The following PKD2L2 variants were observed in gnomAD, a reference collection of about 807,000 sequenced individuals.
PKD2L2 encodes the protein polycystin-2-like protein 2.
In PKD2L2, 67 loss-of-function variants were observed where a neutral mutation model predicts 83.9. The ratio of observed to expected loss-of-function variants is 0.80; its 90% CI spans 0.66 to 0.98. PKD2L2 has a LOEUF of 0.98. Among genes scored for constraint, PKD2L2 ranks in the 50% least tolerant of loss-of-function variants. The pLI, the probability that PKD2L2 is intolerant of heterozygous loss-of-function variation, is 0.00. For missense variants in PKD2L2, 632 were observed against 717.2 expected (o/e 0.88, Z 1.36); for synonymous variants, 223 against 237.8 (o/e 0.94, Z 0.57).
chr5:137,934,705 G>A (rs1025341655), intron 12 of PKD2L2, among the ~76,000 whole-genome samples: 8 of 152,050 alleles, frequency 5.3e-5, no homozygotes, highest in Admixed American at 1.3e-4. Flanking sequence ...CCAGCTACTC[G>A]GGAGGCTGAG....
intron 12 of PKD2L2, among the ~76,000 whole-genome samples, chr5:137,931,169 A>C (rs1759844589): frequency 6.6e-6 from 1 of 152,212 alleles, no homozygotes; most frequent in South Asian, 2.1e-4. Flanking sequence ...GAAGATAAAA[A>C]GCCTAAACAA....
intron 11 of PKD2L2, 38 bp downstream of exon 11, chr5:137,925,142 T>C: frequency 7.8e-7 from 1 of 1,279,478 alleles, no homozygotes; most frequent in Non-Finnish European, 1.1e-6. Flanking sequence ...CTTACCATTT[T>C]AAAGTTCCAC....
chr5:137,919,191 A>C lies in PKD2L2; in HGVS notation c.1329-2445A>C, dbSNP rs1423011782. On this transcript the variant is annotated intron_variant, in intron 8 of 14. Coordinates refer to ENST00000508883, the MANE Select transcript of PKD2L2 (RefSeq NM_001300921.2). ...ATTCAATAAGGGAGAACTCTATCTA[A>C]AGTTAACAGGGCCATCAAAAAGTTA... 2.6e-5 allele frequency among the ~76,000 whole-genome samples: 4 copies of C among 152,308 alleles called. No individual in the cohort carries two copies. In the East Asian group the frequency reaches 7.7e-4, roughly 29 times the overall value.
rs1761709802 is a variant in PKD2L2, at chr5:137,941,238, C to A, written c.*18-1146C>A. On this transcript the variant is annotated intron_variant, in intron 14 of 14. Coordinates refer to ENST00000508883, the MANE Select transcript of PKD2L2 (RefSeq NM_001300921.2). ...CAGATTTTTTTTTAACCATATGTGC[C>A]AACCTATATAGGAGACTCACAAAGC... is the stretch of plus-strand genomic sequence containing the variant. 2.6e-5 allele frequency among the ~76,000 whole-genome samples: 4 copies of A among 151,968 alleles called. No individual in the cohort carries two copies. In the South Asian group the frequency reaches 8.3e-4, roughly 32 times the overall value.
At chr5:137,931,386 T>C (rs924259342) in intron 12 of PKD2L2, among the ~76,000 whole-genome samples, 4 of 152,188 alleles carry the variant, frequency 2.6e-5, no homozygotes, top group African/African-American at 9.6e-5. Context: ...GAAACTACTA[T>C]ATATTGTGCC....
At chr5:137,908,333 A>G (rs1457355512) in intron 7 of PKD2L2, among the ~76,000 whole-genome samples, 1 of 151,948 alleles carries the variant, frequency 6.6e-6, no homozygotes, top group Non-Finnish European at 1.5e-5. Flanking sequence ...CACGCCTGTA[A>G]TCCCAGCATT....
chr5:137,939,999 AGGTGGAGAG>A, intron 14 of PKD2L2: 1 of 1,589,298 alleles, frequency 6.3e-7, no homozygotes, highest in Non-Finnish European at 8.6e-7. Context: ...TGTTTGCTAA[AGGTGGAGAG>A]GACAGTCTGT....
intron 12 of PKD2L2, 29 bp from the exon 13 acceptor site, chr5:137,935,768 C>G (rs772093855): frequency 4.8e-5 from 56 of 1,161,012 alleles, no homozygotes; most frequent in Non-Finnish European, 6.8e-5. Context: ...CTAAAGATTG[C>G]AGCCTTTACT....
intron 14 of PKD2L2, chr5:137,940,483 A>T (rs1055785245): frequency 1.6e-6 from 1 of 632,160 alleles, no homozygotes; most frequent in Non-Finnish European, 2.7e-6. Flanking sequence ...AAAAAAAAAA[A>T]AGGTTATTGA....
intron 8 of PKD2L2, among the ~76,000 whole-genome samples, chr5:137,918,763 G>C (rs933991635): frequency 6.6e-6 from 1 of 152,060 alleles, no homozygotes; most frequent in Non-Finnish European, 1.5e-5. Flanking sequence ...ACATCTGACA[G>C]ATTCTGCCCA....
At position 137,907,891 on chromosome 5, in the gene PKD2L2, C is replaced by A; in HGVS notation, c.1125C>A (p.Thr375=). 7.1e-7 allele frequency: 1 copy of A among 1,417,396 alleles called. No individual in the cohort carries two copies. Among genetic ancestry groups the A allele is most frequent in the Non-Finnish European group, 9.8e-7 (1 of 1,020,996 alleles). The allele number at this position is 1,417,396 out of a possible 1,614,324, so 87.8% of individuals were successfully genotyped here. The part of the protein sequence containing the change: ...HIYYNNIIAI[T]IFFAWIKIFK... Reference sequence around the variant, plus strand: ...ATTACAATAATATAATTGCTATTACCATCTTTTTTGCATGGATAAAGGTAT... The same window carrying A: ...ATTACAATAATATAATTGCTATTACAATCTTTTTTGCATGGATAAAGGTAT... The change falls in exon 7 of 15, where the codon ACC becomes ACA. Residue 375 remains threonine (T), a synonymous_variant. Transcript: ENST00000508883.
rs1758239176 is a variant in PKD2L2 at position 137,915,429 on chromosome 5, TA to T, written c.1329-6206del. On this transcript the variant is annotated intron_variant, in intron 8 of 14. Coordinates refer to ENST00000508883, the MANE Select transcript of PKD2L2 (RefSeq NM_001300921.2). ...AATTTTTATTTATTTTATTTATTTT[TA>T]TTTTTTATTTGAGATGGAGTCTCAC... Among the ~76,000 whole-genome samples, 4 of 152,030 alleles carry T rather than the reference TA, an allele frequency of 2.6e-5. No homozygotes were observed. The South Asian group carries it at 6.2e-4, about 24-fold the overall frequency.
chr5:137,894,698 T>A (rs1407357077), intron 4 of PKD2L2, 89 bp downstream of exon 4: 1 of 986,728 alleles, frequency 1.0e-6, no homozygotes, highest in Non-Finnish European at 1.5e-6. Context: ...ACCAGCTGGG[T>A]CCTGGAAGGG....
At chr5:137,940,094 A>T in intron 14 of PKD2L2, 1 of 1,614,156 alleles carries the variant, frequency 6.2e-7, no homozygotes. Flanking sequence ...GTTTAGTGGC[A>T]CCACAACCAA....
intron 8 of PKD2L2, among the ~76,000 whole-genome samples, chr5:137,921,100 C>T (rs1401439995): frequency 2.0e-5 from 3 of 152,166 alleles, no homozygotes; most frequent in Non-Finnish European, 4.4e-5. Context: ...GTGGCTCATG[C>T]CTGTAATCCC....
intron 10 of PKD2L2, 126 bp from the exon 11 acceptor site, chr5:137,924,914 C>T (rs1759247532): frequency 3.1e-6 from 2 of 641,016 alleles, no homozygotes; most frequent in South Asian, 1.9e-5. Context: ...ATAGCATTTA[C>T]CTCCACAGTC....
At chr5:137,933,393 A>C (rs1351062777) in intron 12 of PKD2L2, among the ~76,000 whole-genome samples, 1 of 152,202 alleles carries the variant, frequency 6.6e-6, no homozygotes, top group Non-Finnish European at 1.5e-5. Flanking sequence ...GACCTCTTCT[A>C]GTTGAATCAC....
At chr5:137,898,705 C>T (rs959115743) in intron 4 of PKD2L2, among the ~76,000 whole-genome samples, 1 of 152,046 alleles carries the variant, frequency 6.6e-6, no homozygotes, top group African/African-American at 2.4e-5. Context: ...AGGCATATGC[C>T]ACCACAGCTA....
intron 14 of PKD2L2, among the ~76,000 whole-genome samples, chr5:137,937,070 G>A (rs541377864): frequency 4.6e-5 from 7 of 152,324 alleles, no homozygotes; most frequent in African/African-American, 1.7e-4. Flanking sequence ...CATAGTTACA[G>A]AGTAGAAAAA....
Sources: gnomAD v4.1 joint callset for allele counts (sites outside exome capture counted in the v4.1 genomes callset) on GRCh38, gnomAD v4.1.1 for gene constraint, MANE v1.5 for transcripts, NCBI Gene and HGNC (gene_info 2026-07-23, HGNC 2026-07-21) for gene names.